ZNF75D: variants seen among roughly 807,000 people sequenced by gnomAD.
ZNF75D encodes zinc finger protein 75.
A neutral mutation model predicts 33.3 loss-of-function variants in ZNF75D; 33 were observed. The ratio of observed to expected loss-of-function variants is 0.99; its 90% CI spans 0.75 to 1.32. The LOEUF (loss-of-function observed/expected upper bound fraction) is 1.32, where lower values mean the gene tolerates loss of function less well. Ranked by LOEUF, ZNF75D falls within the 40% of genes most tolerant of loss-of-function variation. The pLI is 0.00. For synonymous variants in ZNF75D, 113 were observed against 130.6 expected (o/e 0.87, Z 0.92); for missense variants, 338 against 367.5 (o/e 0.92, Z 0.66).
At chrX:135,294,304 T>C in intron 2 of ZNF75D, 46 bp from the exon 3 acceptor site, 1 of 384,249 alleles carries the variant, frequency 2.6e-6, no homozygotes, top group Non-Finnish European at 4.5e-6. Context: ...GAAAATCACA[T>C]GACACATATT....
At chrX:135,282,639 T>TTGTG (rs2083924347), downstream of ZNF75D, among the ~76,000 whole-genome samples, 2 of 111,903 alleles carry the variant, frequency 1.8e-5, no homozygotes. Context: ...GGGAATCCCC[T>TTGTG]GGTCTGTGGG....
chrX:135,337,878 G>GAAGGAGAGGGAGC (rs2148497315), intron 1 of ZNF75D, among the ~76,000 whole-genome samples: 1 of 111,244 alleles, frequency 9.0e-6, no homozygotes, highest in Non-Finnish European at 1.9e-5. Flanking sequence ...GAAGGGTCAA[G>GAAGGAGAGGGAGC]AAGGAGAGGG....
In ZNF75D at chrX:135,286,147, A is replaced by G. The variant is rs1216514970; in HGVS notation, c.*990T>C. 1 of 112,215 alleles carries G rather than the reference A, an allele frequency of 8.9e-6. No individual in the cohort carries two copies. Among genetic ancestry groups the G allele is most frequent in the Non-Finnish European group, 1.9e-5 (1 of 53,269 alleles). The allele number at this position is 112,215 out of a possible 1,213,427, so 9.2% of individuals were successfully genotyped here. ...CTGGTATCAGCTGTGCACCAAAGCT[A>G]AAAGTTCACAAGGCTCTCCTTGCCA... On this transcript the variant is annotated 3_prime_UTR_variant, in exon 7 of 7. Transcript: ENST00000370766.
chrX:135,301,558 T>C (rs192147125), intron 1 of ZNF75D, among the ~76,000 whole-genome samples: 42 of 112,109 alleles, frequency 3.7e-4, no homozygotes, highest in Non-Finnish European at 4.5e-4. Flanking sequence ...ATGGGAGAAA[T>C]TGGCCAAAAC....
At chrX:135,265,000 C>T (rs2083857345) in intron 1 of ZNF75D, among the ~76,000 whole-genome samples, 1 of 112,013 alleles carries the variant, frequency 8.9e-6, no homozygotes, top group Admixed American at 9.4e-5. Context: ...GCGGGCAGAT[C>T]ACGGGGTCAG....
chrX:135,256,452 C>T (rs1410734372), intron 1 of ZNF75D, among the ~76,000 whole-genome samples: 6 of 111,848 alleles, frequency 5.4e-5, no homozygotes, highest in East Asian at 2.8e-4. Context: ...GACCAGCCCT[C>T]GCCAGAAGAA....
chrX:135,292,608 T>A, intron 3 of ZNF75D, 135 bp from the exon 4 acceptor site: 1 of 497,808 alleles, frequency 2.0e-6, no homozygotes, highest in Non-Finnish European at 3.3e-6. Flanking sequence ...AATGAAGAGG[T>A]ATTGTGCCAC....
At chrX:135,309,210 G>T (rs1325108004) in intron 1 of ZNF75D, among the ~76,000 whole-genome samples, 2 of 111,954 alleles carry the variant, frequency 1.8e-5, no homozygotes, top group Non-Finnish European at 3.8e-5. Context: ...AATCTAACAG[G>T]TCTGTGTGTG....
rs1369244325 is a variant in ZNF75D at position 135,294,243 on chromosome X, G to A, written c.-103C>T. The A allele has an allele frequency of 2.9e-6, 2 of 700,329 alleles. No individual in the cohort carries two copies. Among genetic ancestry groups the A allele is most frequent in the South Asian group, 3.3e-5 (1 of 30,119 alleles). 57.7% of individuals were successfully genotyped at this position (700,329 alleles called of 1,213,427 possible). Reference sequence around the variant, plus strand: ...CAGGTTGGTACCAAATCAATGAATTGTTCTTCCCAAGAGCACTGAGGGAGA... The same window carrying A: ...CAGGTTGGTACCAAATCAATGAATTATTCTTCCCAAGAGCACTGAGGGAGA... On this transcript the variant is annotated 5_prime_UTR_variant, in exon 3 of 7. Coordinates refer to ENST00000370766, the MANE Select transcript of ZNF75D (RefSeq NM_007131.5).
At chrX:135,310,088 C>A (rs1359517142) in intron 1 of ZNF75D, among the ~76,000 whole-genome samples, 2 of 112,185 alleles carry the variant, frequency 1.8e-5, no homozygotes, top group Non-Finnish European at 3.8e-5. Flanking sequence ...GAAAAGACAT[C>A]GTTTAAGAGC....
At chrX:135,289,639 C>G (rs12846024) in intron 6 of ZNF75D, among the ~76,000 whole-genome samples, 4 of 60,161 alleles carry the variant, frequency 6.6e-5, no homozygotes, top group South Asian at 5.2e-4. Flanking sequence ...CACACACACA[C>G]ACACACACAC....
intron 1 of ZNF75D, among the ~76,000 whole-genome samples, chrX:135,260,128 A>G (rs1345031209): frequency 8.9e-6 from 1 of 112,275 alleles, no homozygotes; most frequent in Non-Finnish European, 1.9e-5. Flanking sequence ...CCAGCCTTGC[A>G]TCCCAGGGAT....
At chrX:135,256,800 A>T (rs1307195834) in intron 1 of ZNF75D, among the ~76,000 whole-genome samples, 6 of 112,065 alleles carry the variant, frequency 5.4e-5, no homozygotes, top group Admixed American at 9.4e-5. Flanking sequence ...AAATGGACTA[A>T]CACATTAAAG....
intron 1 of ZNF75D, among the ~76,000 whole-genome samples, chrX:135,310,358 T>C (rs782329047): frequency 1.3e-4 from 14 of 111,614 alleles, no homozygotes; most frequent in African/African-American, 4.6e-4. Flanking sequence ...CTAAGAAATA[T>C]CCTGAGCAAG....
rs183837613 is a variant in ZNF75D at position 135,267,055 on chromosome X, T to C, written n.828-11278A>G. On this transcript the variant is annotated intron_variant and non_coding_transcript_variant, in intron 1 of 3. Transcript: ENST00000494295. The stretch of plus-strand genomic sequence containing the variant: ...AGAATAAAGAAGGAAATTGAAAAAT[T>C]TCTTGAAAAAATGATAATGGAAGCC... Among the ~76,000 whole-genome samples, 19 of 111,369 alleles carry C rather than the reference T, an allele frequency of 1.7e-4. No individual in the cohort carries two copies. In the East Asian group the frequency reaches 5.3e-3, roughly 31 times the overall value.
At chrX:135,321,498 T>C (rs2084495126) in intron 1 of ZNF75D, among the ~76,000 whole-genome samples, 1 of 112,049 alleles carries the variant, frequency 8.9e-6, no homozygotes, top group South Asian at 3.7e-4. Flanking sequence ...AAAATCTTCA[T>C]GAAGGCCATG....
rs368958945 is a variant in ZNF75D at position 135,294,120 on chromosome X, G to A, written c.21C>T (p.Asn7=). Residue 7 remains asparagine, a synonymous_variant, in exon 3 of 7, where the codon AAC becomes AAT. Coordinates refer to ENST00000370766, the MANE Select transcript of ZNF75D (RefSeq NM_007131.5). The part of the protein sequence containing the change: MAMREL[N]ADSCSSPQMG... ...TCTGGGGGCTTGAGCATGAATCCGC[G>A]TTCAGCTCTCTCATCGCCATTTGCT... 33 of 1,193,237 alleles carry A rather than the reference G, an allele frequency of 2.8e-5. No individual in the cohort carries two copies. The highest frequency in any genetic ancestry group is 2.0e-4 in the South Asian group (11 of 54,094).
intron 1 of ZNF75D, among the ~76,000 whole-genome samples, chrX:135,260,762 T>G (rs2083837037): frequency 8.9e-6 from 1 of 112,199 alleles, no homozygotes; most frequent in Middle Eastern, 4.6e-3. Context: ...CTGGATTCAT[T>G]GATTTTTTTG....
At chrX:135,298,996 T>C (rs1556423841) in intron 1 of ZNF75D, among the ~76,000 whole-genome samples, 1 of 112,562 alleles carries the variant, frequency 8.9e-6, no homozygotes, top group Non-Finnish European at 1.9e-5. Context: ...TAATATACCA[T>C]TGTGTGGATA....
Sources: gnomAD v4.1 joint callset for allele counts (sites outside exome capture counted in the v4.1 genomes callset) on GRCh38, gnomAD v4.1.1 for gene constraint, MANE v1.5 for transcripts, NCBI Gene and HGNC (gene_info 2026-07-23, HGNC 2026-07-21) for gene names.